TRPA1: variants seen among roughly 807,000 people sequenced by gnomAD.
TRPA1 encodes ankyrin-like with transmembrane domains 1.
TRPA1 carries 129 observed loss-of-function variants against 131.3 expected under a neutral mutation model. The ratio of observed to expected loss-of-function variants is 0.98; its 90% CI spans 0.85 to 1.14. The LOEUF is 1.14. Ranked by LOEUF, TRPA1 falls within the 50% of genes most tolerant of loss-of-function variation. The pLI is 0.00. For synonymous variants in TRPA1, 441 were observed against 451.7 expected (o/e 0.98, Z 0.30); for missense variants, 1,304 against 1,354.2 (o/e 0.96, Z 0.58).
At chr8:72,075,859 A>AGTGTGTGTGTGT (rs61575164), upstream of TRPA1, among the ~76,000 whole-genome samples, 135 of 135,092 alleles carry the variant, frequency 1.0e-3, 1 homozygote, top group African/African-American at 1.6e-3. Context: ...CTTGCATGTG[A>AGTGTGTGTGTGT]GTGTGTGTGT....
chr8:72,057,093 C>CAA, intron 9 of TRPA1, 76 bp from the exon 10 acceptor site: 1 of 1,188,898 alleles, frequency 8.4e-7, no homozygotes, highest in Non-Finnish European at 1.2e-6. Flanking sequence ...TTCAACTTAG[C>CAA]AAAAAAAAAT....
chr8:72,077,808 T>C (rs1228818324), upstream of TRPA1, among the ~76,000 whole-genome samples: 1 of 152,190 alleles, frequency 6.6e-6, no homozygotes, highest in Admixed American at 6.5e-5. Context: ...GGTATCTAGC[T>C]ATTTACAATC....
the TRPA1 span, among the ~76,000 whole-genome samples, chr8:72,083,031 C>A: frequency 5.9e-5 from 9 of 151,940 alleles, no homozygotes; most frequent in African/African-American, 2.2e-4. Flanking sequence ...TATCTGTCTT[C>A]AAGTTTACTA....
In TRPA1 at chr8:72,022,947, A is replaced by T; in HGVS notation, c.3319T>A (p.Leu1107Met). 6.2e-7 allele frequency: 1 copy of T among 1,613,846 alleles called. No homozygotes were observed. The highest frequency in any genetic ancestry group is 8.5e-7 in the Non-Finnish European group (1 of 1,179,834). The change falls in exon 27 of 27, where the codon TTG becomes ATG. Residue 1107 changes from leucine to methionine, a missense_variant. Transcript: ENST00000262209. ...EQRNSRWNTV[L>M]RAVKAKTHHL... ...TGTGTTTTTGCCTTGACTGCTCTCAACACAGTATTCCATCTGCTATTCCTT... is the reference window on the plus strand; with the variant it reads ...TGTGTTTTTGCCTTGACTGCTCTCATCACAGTATTCCATCTGCTATTCCTT...
chr8:72,050,675 T>G, intron 15 of TRPA1, 103 bp downstream of exon 15: 1 of 821,176 alleles, frequency 1.2e-6, no homozygotes, highest in South Asian at 1.5e-5. Flanking sequence ...CTATGGAAAA[T>G]GAGAAGCTTT....
At chr8:72,036,637 G>C (rs564873844) in intron 20 of TRPA1, among the ~76,000 whole-genome samples, 180 bp from the exon 21 acceptor site, 5 of 152,296 alleles carry the variant, frequency 3.3e-5, no homozygotes, top group African/African-American at 1.2e-4. Context: ...GGTATGAATC[G>C]GTGTTGGAGA....
chr8:72,053,133 G>T (rs1805569471), intron 13 of TRPA1: 1 of 272,808 alleles, frequency 3.7e-6, no homozygotes, highest in Admixed American at 4.9e-5. Flanking sequence ...AAAGATGTTG[G>T]GTTGAACACA....
intron 4 of TRPA1, among the ~76,000 whole-genome samples, chr8:72,064,722 A>G (rs1344345678): frequency 6.6e-6 from 1 of 152,184 alleles, no homozygotes; most frequent in Admixed American, 6.5e-5. Flanking sequence ...TCAAGTGGTA[A>G]AAATACAGAT....
intron 17 of TRPA1, among the ~76,000 whole-genome samples, chr8:72,040,373 C>G (rs189889796): frequency 2.6e-5 from 4 of 152,198 alleles, no homozygotes; most frequent in East Asian, 1.9e-4. Context: ...AAACAATACA[C>G]AGAACATTTT....
Position 72,022,121 on chromosome 8 carries a change from A to C in TRPA1, c.*785T>G, listed in dbSNP as rs187013202. On this transcript the variant is annotated 3_prime_UTR_variant, in exon 27 of 27. Transcript: ENST00000262209. ...TTAATTCATGATTTGAGTAGACATC[A>C]AAAGAAAAAAGGGAATATGTGATGG... The C allele has an allele frequency of 6.6e-6, 1 of 152,306 alleles. No individual in the cohort carries two copies. The highest frequency in any genetic ancestry group is 6.5e-5 in the Admixed American group (1 of 15,268). The allele number at this position is 152,306 out of a possible 1,614,324, so 9.4% of individuals were successfully genotyped here. A position where few individuals can be genotyped will look rare whatever the true frequency, so the allele number is the denominator to read the frequency against.
chr8:72,037,155 TCTTAATGTAC>T (rs1464557389), intron 20 of TRPA1, among the ~76,000 whole-genome samples: 1 of 152,168 alleles, frequency 6.6e-6, no homozygotes, highest in Non-Finnish European at 1.5e-5. Flanking sequence ...GTGACAAATT[TCTTAATGTAC>T]CTATATGAAA....
chr8:72,065,861 G>A (rs1386559086), intron 3 of TRPA1, among the ~76,000 whole-genome samples: 1 of 152,076 alleles, frequency 6.6e-6, no homozygotes, highest in Non-Finnish European at 1.5e-5. Flanking sequence ...CTTCTGACTT[G>A]TAGTAAGTGA....
At chr8:72,057,043 A>C (rs779871434) in intron 9 of TRPA1, 26 bp from the exon 10 acceptor site, 1 of 1,516,766 alleles carries the variant, frequency 6.6e-7, no homozygotes, top group Non-Finnish European at 9.0e-7. Flanking sequence ...ATGTAAATAT[A>C]AATTCTATTC....
At chr8:72,066,055 G>C (rs1805925117) in intron 3 of TRPA1, among the ~76,000 whole-genome samples, 1 of 152,074 alleles carries the variant, frequency 6.6e-6, no homozygotes, top group African/African-American at 2.4e-5. Flanking sequence ...TACCTGGATT[G>C]CAAGAATTTT....
At chr8:72,086,271 C>G in the TRPA1 span, among the ~76,000 whole-genome samples, 4 of 152,154 alleles carry the variant, frequency 2.6e-5, no homozygotes, top group African/African-American at 9.7e-5. Context: ...AGATTTTTAT[C>G]AAACTCAAGA....
chr8:72,041,470 G>A (rs1235306862), intron 17 of TRPA1: 1 of 151,974 alleles, frequency 6.6e-6, no homozygotes, highest in African/African-American at 2.4e-5. Context: ...ATTAGGCCAT[G>A]AAGTATTAAA....
chr8:72,039,584 G>C (rs1034686877), intron 18 of TRPA1, 143 bp downstream of exon 18: 2 of 605,024 alleles, frequency 3.3e-6, no homozygotes, highest in Non-Finnish European at 2.9e-6. Flanking sequence ...TAGGGCATTT[G>C]CCTTACTTAT....
At chr8:72,023,391 T>A in intron 26 of TRPA1, 1 of 515,986 alleles carries the variant, frequency 1.9e-6, no homozygotes, top group Non-Finnish European at 3.5e-6. Flanking sequence ...TTGCCCAGGG[T>A]CACAGTTATT....
chr8:72,023,810 A>C lies in TRPA1; in HGVS notation c.3149+4T>G, dbSNP rs1368212614. The C allele has an allele frequency of 2.1e-6, 3 of 1,456,266 alleles. No individual in the cohort carries two copies. Among genetic ancestry groups the C allele is most frequent in the Admixed American group, 3.4e-5 (2 of 59,692 alleles). 90.2% of individuals were successfully genotyped at this position (1,456,266 alleles called of 1,614,324 possible). On this transcript the variant is annotated splice_donor_region_variant and intron_variant, in intron 26 of 26. Transcript: ENST00000262209. The stretch of plus-strand genomic sequence containing the variant: ...CAAGTACAGATAGAAGGAAAAATAC[A>C]TACCGGTATTTCTGCTTTAATATTT...
Sources: allele counts gnomAD v4.1 joint callset (sites outside exome capture counted in the v4.1 genomes callset), GRCh38; gene constraint gnomAD v4.1.1; transcripts MANE v1.5; gene names NCBI Gene and HGNC (gene_info 2026-07-23, HGNC 2026-07-21).